Variants in RFX8 observed in about 807,000 individuals in gnomAD.
RFX8 encodes the protein regulatory factor X8, also known as DNA-binding protein RFX8.
In RFX8, 46 loss-of-function variants were observed where a neutral mutation model predicts 54.6. The observed-to-expected ratio is 0.84, with a 90% CI of 0.67 to 1.08. The LOEUF (loss-of-function observed/expected upper bound fraction) is 1.08. Among genes scored for constraint, RFX8 ranks in the 50% least tolerant of loss-of-function variants. RFX8 has a pLI of 0.00. For missense variants in RFX8, 536 were observed against 562.3 expected, an observed-to-expected ratio of 0.95 and a Z score of 0.47; for synonymous variants, 192 against 209.5, an observed-to-expected ratio of 0.92 and a Z score of 0.72.
intron 2 of RFX8, among the ~76,000 whole-genome samples, chr2:101,423,166 G>A (rs1419829768): frequency 4.0e-5 from 6 of 151,516 alleles, no homozygotes; most frequent in African/African-American, 1.5e-4. Flanking sequence ...GCTAAAGTGG[G>A]AGAATTGCTT....
At chr2:101,455,947 T>G (rs199945739) in intron 2 of RFX8, among the ~76,000 whole-genome samples, 3 of 152,198 alleles carry the variant, frequency 2.0e-5, no homozygotes, top group Non-Finnish European at 2.9e-5. Context: ...TTATAAGTTG[T>G]ATTCCTAGGT....
intron 2 of RFX8, among the ~76,000 whole-genome samples, chr2:101,439,420 A>G (rs1206184905): frequency 6.6e-6 from 1 of 152,058 alleles, no homozygotes; most frequent in Non-Finnish European, 1.5e-5. Flanking sequence ...CTTTTTATGG[A>G]TCATACTTCT....
chr2:101,464,238 A>G (rs1689445796), intron 2 of RFX8, among the ~76,000 whole-genome samples: 1 of 152,172 alleles, frequency 6.6e-6, no homozygotes. Flanking sequence ...CTTTTTACAC[A>G]TTCTCCTCTA....
At position 101,414,889 on chromosome 2, in the gene RFX8, G is replaced by C. The variant is rs76384189; in HGVS notation, c.526C>G (p.Leu176Val). The C allele has an allele frequency of 1.9e-3, 2,978 of 1,550,216 alleles. 35 individuals are homozygous for C. In the East Asian group the frequency reaches 0.03, roughly 15 times the overall value. ...TTGGAAAGGTACGTCTTTCTTCTTA[G>C]TCTTTTGACAAATAGAGTAACTTCT... ...LKEVTLFVKRLRRKTYLSNMA... is the reference protein window; with the variant it reads ...LKEVTLFVKRVRRKTYLSNMA... Residue 176 changes from leucine to valine, a missense_variant, in exon 7 of 12, where the codon CTA (leucine) becomes GTA (valine). By Grantham distance (32) the Leu-to-Val change is conservative. Transcript: ENST00000428343.
intron 2 of RFX8, among the ~76,000 whole-genome samples, chr2:101,462,036 A>G (rs1689310208): frequency 6.6e-6 from 1 of 152,192 alleles, no homozygotes; most frequent in Non-Finnish European, 1.5e-5. Flanking sequence ...GGCAGGCCAC[A>G]TATGGGGATC....
intron 1 of RFX8, among the ~76,000 whole-genome samples, chr2:101,468,597 CTG>C (rs970336407): frequency 6.6e-6 from 1 of 152,048 alleles, no homozygotes; most frequent in Non-Finnish European, 1.5e-5. Flanking sequence ...GCTAGTATCT[CTG>C]TGAATTTTCT....
rs1688728225 is a variant in RFX8 at position 101,452,296 on chromosome 2, G to A, written c.72+14481C>T. On this transcript the variant is annotated intron_variant, in intron 2 of 11. Coordinates refer to ENST00000428343, the MANE Select transcript of RFX8 (RefSeq NM_001145664.2). ...TGGTAAGAGTTGTTATTTATAGTTT[G>A]TTTTGTTTTGCATTTTTTATCATTC... 4.3e-6 allele frequency: 3 copies of A among 695,712 alleles called. No individual in the cohort carries two copies. The East Asian group carries it at 9.7e-5, about 22-fold the overall frequency. 43.1% of individuals were successfully genotyped at this position (695,712 alleles called of 1,614,324 possible). A position where few individuals can be genotyped will look rare whatever the true frequency, so the allele number is the denominator to read the frequency against.
At chr2:101,432,653 G>A (rs114144172) in intron 2 of RFX8, among the ~76,000 whole-genome samples, 1,945 of 152,258 alleles carry the variant, frequency 0.013, 42 homozygotes, top group African/African-American at 0.044. Flanking sequence ...TTTCCAGAGT[G>A]TGGCTCTGAG....
At chr2:101,437,619 AAAG>A (rs1024633152) in intron 2 of RFX8, among the ~76,000 whole-genome samples, 2 of 152,112 alleles carry the variant, frequency 1.3e-5, no homozygotes, top group African/African-American at 4.8e-5. Flanking sequence ...AAGGAAGAGA[AAAG>A]AAAAGAAAGA....
At chr2:101,416,880 T>A (rs1256528180) in intron 6 of RFX8, among the ~76,000 whole-genome samples, 1 of 152,208 alleles carries the variant, frequency 6.6e-6, no homozygotes, top group East Asian at 1.9e-4. Context: ...ATTCAGAGAC[T>A]GCTGCCTGGC....
chr2:101,428,891 T>C, intron 2 of RFX8: 2 of 974,160 alleles, frequency 2.1e-6, no homozygotes, highest in South Asian at 1.4e-5. Context: ...CTGGATCGAA[T>C]TAAGCAATCA....
intron 9 of RFX8, among the ~76,000 whole-genome samples, chr2:101,408,058 C>A (rs925532808): frequency 6.6e-6 from 1 of 152,202 alleles, no homozygotes; most frequent in Admixed American, 6.5e-5. Flanking sequence ...ACAAAAACAC[C>A]ATTTTTCTAA....
At chr2:101,463,438 A>T (rs1689395744) in intron 2 of RFX8, among the ~76,000 whole-genome samples, 2 of 152,142 alleles carry the variant, frequency 1.3e-5, no homozygotes, top group African/African-American at 4.8e-5. Context: ...AGATGGGTGC[A>T]GCTGTGGGTT....
chr2:101,456,279 T>G (rs1371770891), intron 2 of RFX8, among the ~76,000 whole-genome samples: 1 of 152,208 alleles, frequency 6.6e-6, no homozygotes, highest in Non-Finnish European at 1.5e-5. Flanking sequence ...GAGGGCATCC[T>G]TGTCTTGTGC....
At chr2:101,445,532 G>A (rs1221911039) in intron 2 of RFX8, among the ~76,000 whole-genome samples, 4 of 151,578 alleles carry the variant, frequency 2.6e-5, no homozygotes, top group African/African-American at 7.3e-5. Flanking sequence ...AGCTGGGACC[G>A]CAAGTGCACC....
Position 101,474,850 on chromosome 2 carries a change from T to C in RFX8, c.-267A>G, listed in dbSNP as rs1176494164. On this transcript the variant is annotated 5_prime_UTR_variant, in exon 1 of 12. Coordinates refer to ENST00000428343, the MANE Select transcript of RFX8 (RefSeq NM_001145664.2). ...TTTTCAGGGTCCCGGGTGATGCTAA[T>C]GTGCCCGCCGTTGCTGAAAACCACT... The C allele has an allele frequency of 7.0e-6, 1 of 143,256 alleles. No homozygotes were observed. The highest frequency in any genetic ancestry group is 2.6e-5 in the African/African-American group (1 of 39,004). The allele number at this position is 143,256 out of a possible 1,614,324, so 8.9% of individuals were successfully genotyped here. A position where few individuals can be genotyped will look rare whatever the true frequency, so the allele number is the denominator to read the frequency against.
chr2:101,399,534 T>C (rs1685310253), intron 11 of RFX8, among the ~76,000 whole-genome samples: 1 of 152,174 alleles, frequency 6.6e-6, no homozygotes, highest in African/African-American at 2.4e-5. Context: ...GTCAAACCTC[T>C]TTGCAAGGAA....
rs192965837 is a variant in RFX8, at chr2:101,469,135, T to C, written c.-52-2235A>G. On this transcript the variant is annotated intron_variant, in intron 1 of 11. Coordinates refer to ENST00000428343, the MANE Select transcript of RFX8 (RefSeq NM_001145664.2). ...GTATATATATATAAGTATATATATA[T>C]AAGTATATATATATATATACACACA... is the stretch of plus-strand genomic sequence containing the variant. Among the ~76,000 whole-genome samples the C allele has an allele frequency of 3.4e-3, 418 of 122,496 alleles. 8 individuals carry two copies. The highest frequency in any genetic ancestry group is 0.014 in the East Asian group (51 of 3,712). 80.4% of individuals were successfully genotyped at this position (122,496 alleles called of 152,430 possible).
intron 10 of RFX8, among the ~76,000 whole-genome samples, chr2:101,404,298 C>T (rs1685604797): frequency 6.6e-6 from 1 of 152,190 alleles, no homozygotes; most frequent in Admixed American, 6.5e-5. Context: ...CTGACAACAT[C>T]GTCTTTCCTA....
Sources: allele counts gnomAD v4.1 joint callset (sites outside exome capture counted in the v4.1 genomes callset), GRCh38; gene constraint gnomAD v4.1.1; transcripts MANE v1.5; gene names NCBI Gene and HGNC (gene_info 2026-07-23, HGNC 2026-07-21).